The following SLC44A5 variants were observed in gnomAD, a reference collection of about 807,000 sequenced individuals.
SLC44A5 encodes solute carrier family 44 member 5, also known as choline transporter-like protein 5.
Under a neutral mutation model 101.8 loss-of-function variants are expected in SLC44A5, and 57 were observed. The ratio of observed to expected loss-of-function variants is 0.56; its 90% CI spans 0.45 to 0.70. The LOEUF (loss-of-function observed/expected upper bound fraction) is 0.70, where lower values mean the gene tolerates loss of function less well. Ranked by LOEUF, SLC44A5 falls within the 30% of genes least tolerant of loss-of-function variation. The pLI, the probability that SLC44A5 is intolerant of heterozygous loss-of-function variation, is 0.00. For synonymous variants in SLC44A5, 281 were observed against 290.9 expected (o/e 0.97, Z 0.35); for missense variants, 737 against 853.1 (o/e 0.86, Z 1.70).
chr1:75,603,823 C>A (rs1302529681), intron 1 of SLC44A5, among the ~76,000 whole-genome samples: 3 of 108,926 alleles, frequency 2.8e-5, no homozygotes, highest in Non-Finnish European at 5.4e-5. Flanking sequence ...TGAGAACTGT[C>A]CATTCATGTC....
chr1:75,269,377 C>G (rs909899130), intron 6 of SLC44A5, among the ~76,000 whole-genome samples: 1 of 151,946 alleles, frequency 6.6e-6, no homozygotes, highest in Non-Finnish European at 1.5e-5. Context: ...ATTTATCTTT[C>G]AACTTTGTTT....
chr1:75,291,547 C>T (rs1653542602), intron 5 of SLC44A5, among the ~76,000 whole-genome samples: 1 of 152,068 alleles, frequency 6.6e-6, no homozygotes, highest in Non-Finnish European at 1.5e-5. Context: ...GATCACATGA[C>T]GGAGGTCAGG....
chr1:75,526,707 T>C lies in SLC44A5; in HGVS notation c.13+14728A>G, dbSNP rs1670427357. 2.0e-5 allele frequency among the ~76,000 whole-genome samples: 3 copies of C among 152,226 alleles called. No individual in the cohort carries two copies. The South Asian group carries it at 6.2e-4, about 31-fold the overall frequency. On this transcript the variant is annotated intron_variant, in intron 2 of 23. Transcript: ENST00000370859. Reference sequence around the variant, plus strand: ...CCCTTTCTTTGAATATTGCCTTTAATATGCAATTAAGAAAAAACTATTGGT... The same window carrying C: ...CCCTTTCTTTGAATATTGCCTTTAACATGCAATTAAGAAAAAACTATTGGT...
intron 14 of SLC44A5, among the ~76,000 whole-genome samples, chr1:75,221,384 T>A (rs1216148672): frequency 6.6e-6 from 1 of 152,200 alleles, no homozygotes; most frequent in African/African-American, 2.4e-5. Context: ...TATTCTTGAA[T>A]GACCTTTTGG....
At chr1:75,491,727 G>A (rs915755567) in intron 2 of SLC44A5, among the ~76,000 whole-genome samples, 112 of 146,016 alleles carry the variant, frequency 7.7e-4, no homozygotes, top group African/African-American at 2.8e-3. Context: ...AAGCACGCAC[G>A]CACGCACACA....
At chr1:75,463,893 TAAC>T (rs57662017) in intron 2 of SLC44A5, among the ~76,000 whole-genome samples, 35,122 of 151,730 alleles carry the variant, frequency 0.23, 5,121 homozygotes, top group East Asian at 0.8. Context: ...ACAAAAACAA[TAAC>T]AACTTTTTGA....
intron 2 of SLC44A5, among the ~76,000 whole-genome samples, chr1:75,421,468 C>G (rs1664000060): frequency 6.6e-6 from 1 of 152,050 alleles, no homozygotes; most frequent in African/African-American, 2.4e-5. Context: ...CCCAGTTAAT[C>G]CTCTTATTTT....
At chr1:75,629,126 C>T in the SLC44A5 span, among the ~76,000 whole-genome samples, 31 of 152,220 alleles carry the variant, frequency 2.0e-4, no homozygotes, top group Admixed American at 3.3e-4. Context: ...GGACAAGAGT[C>T]TCTAAGGGAG....
At chr1:75,423,669 G>A (rs996250668) in intron 2 of SLC44A5, among the ~76,000 whole-genome samples, 4 of 152,126 alleles carry the variant, frequency 2.6e-5, no homozygotes, top group African/African-American at 9.7e-5. Flanking sequence ...TGGAAATTGC[G>A]AGCAGCTCCA....
chr1:75,615,239 C>T (rs972249760), upstream of SLC44A5, among the ~76,000 whole-genome samples: 1 of 151,948 alleles, frequency 6.6e-6, no homozygotes, highest in African/African-American at 2.4e-5. Context: ...GGGACTCGGC[C>T]GGTAGCAAGT....
At chr1:75,505,854 A>T (rs954792904) in intron 2 of SLC44A5, among the ~76,000 whole-genome samples, 1 of 152,094 alleles carries the variant, frequency 6.6e-6, no homozygotes, top group Admixed American at 6.6e-5. Flanking sequence ...TATTTAGTTT[A>T]GCTAGGTCTC....
intron 2 of SLC44A5, among the ~76,000 whole-genome samples, chr1:75,472,429 A>G (rs80023201): frequency 0.015 from 2,357 of 152,264 alleles, 46 homozygotes; most frequent in African/African-American, 0.05. Flanking sequence ...ATAAATTTTC[A>G]TGTTCTTGCT....
chr1:75,243,745 T>C (rs1327048558), intron 7 of SLC44A5, among the ~76,000 whole-genome samples: 1 of 152,058 alleles, frequency 6.6e-6, no homozygotes, highest in Non-Finnish European at 1.5e-5. Context: ...ACATACCTCA[T>C]GTTGAAATTT....
At chr1:75,694,666 A>G in the SLC44A5 span, among the ~76,000 whole-genome samples, 2 of 152,180 alleles carry the variant, frequency 1.3e-5, no homozygotes, top group Non-Finnish European at 2.9e-5. Context: ...AAACTGTAGA[A>G]ATATTTACTA....
chr1:75,502,544 TTTTA>T (rs566836124), intron 2 of SLC44A5, among the ~76,000 whole-genome samples: 26 of 148,384 alleles, frequency 1.8e-4, no homozygotes, highest in Non-Finnish European at 3.6e-4. Flanking sequence ...CTACTTTCTT[TTTTA>T]TTTGTTTATT....
At chr1:75,494,246 A>C (rs1668560428) in intron 2 of SLC44A5, among the ~76,000 whole-genome samples, 1 of 152,304 alleles carries the variant, frequency 6.6e-6, no homozygotes, top group Admixed American at 6.5e-5. Context: ...GTGAGAAAAT[A>C]AATTTCTGAT....
intron 4 of SLC44A5, among the ~76,000 whole-genome samples, chr1:75,323,390 C>T (rs891854880): frequency 5.9e-5 from 9 of 151,788 alleles, no homozygotes; most frequent in Middle Eastern, 3.2e-3. Flanking sequence ...TGAGTAATGC[C>T]GCAATAAACA....
At chr1:75,720,882 T>C in the SLC44A5 span, among the ~76,000 whole-genome samples, 1 of 148,816 alleles carries the variant, frequency 6.7e-6, no homozygotes, top group Admixed American at 6.7e-5. Flanking sequence ...CGGGGGGAGG[T>C]TCCAGGTTAT....
intron 11 of SLC44A5, among the ~76,000 whole-genome samples, 192 bp from the exon 12 acceptor site, chr1:75,234,290 A>T (rs1007284632): frequency 5.9e-5 from 9 of 152,096 alleles, no homozygotes; most frequent in African/African-American, 2.2e-4. Flanking sequence ...AAAGAATAGG[A>T]TCATCAGGGA....
Sources: gnomAD v4.1 joint callset for allele counts (sites outside exome capture counted in the v4.1 genomes callset) on GRCh38, gnomAD v4.1.1 for gene constraint, MANE v1.5 for transcripts, NCBI Gene and HGNC (gene_info 2026-07-23, HGNC 2026-07-21) for gene names.